PLEKHH2: variants seen among roughly 807,000 people sequenced by gnomAD.
PLEKHH2 encodes pleckstrin homology domain-containing family H member 2.
PLEKHH2 carries 129 observed loss-of-function variants against 187.9 expected under a neutral mutation model. The ratio of observed to expected loss-of-function variants is 0.69; its 90% CI spans 0.59 to 0.79. PLEKHH2 has a LOEUF of 0.79. Among genes scored for constraint, PLEKHH2 ranks in the 30% least tolerant of loss-of-function variants. The pLI is 0.00. For missense variants in PLEKHH2, 2,076 were observed against 1,751.2 expected, an observed-to-expected ratio of 1.19 and a Z score of -3.31; for synonymous variants, 686 against 605.6, an observed-to-expected ratio of 1.13 and a Z score of -1.95.
At chr2:43,744,679 G>A (rs561908573) in intron 23 of PLEKHH2, among the ~76,000 whole-genome samples, 2 of 150,832 alleles carry the variant, frequency 1.3e-5, no homozygotes, top group African/African-American at 4.9e-5. Context: ...ACCAGCCTGG[G>A]CAGCATGGCA....
At position 43,692,604 on chromosome 2, in the gene PLEKHH2, T is replaced by G. The variant is rs764815101; in HGVS notation, c.277T>G (p.Ser93Ala). 6.1e-5 allele frequency: 99 copies of G among 1,611,934 alleles called. 1 individual carries two copies. In the South Asian group the frequency reaches 1.0e-3, roughly 17 times the overall value. The change falls in exon 4 of 30, where the codon TCG becomes GCG. Residue 93 changes from serine (S) to alanine (A), a missense_variant. Physicochemically the swap from Ser to Ala is moderately conservative, Grantham distance 99. Coordinates refer to ENST00000282406, the MANE Select transcript of PLEKHH2 (RefSeq NM_172069.4). ...RLYNKCQDLESLIQEKDDVIQ... is the reference protein window; with the variant it reads ...RLYNKCQDLEALIQEKDDVIQ... ...ATATAATAAGTGTCAAGATCTGGAG[T>G]CGCTAATACAGGAAAAAGATGACGT...
intron 2 of PLEKHH2, among the ~76,000 whole-genome samples, chr2:43,677,544 G>A (rs1055677913): frequency 1.1e-4 from 17 of 151,792 alleles, no homozygotes; most frequent in African/African-American, 3.9e-4. Context: ...GGATCCCAAG[G>A]CAGAAGAATT....
intron 25 of PLEKHH2, among the ~76,000 whole-genome samples, chr2:43,756,012 C>T (rs1407835811): frequency 6.6e-6 from 1 of 152,134 alleles, no homozygotes; most frequent in East Asian, 1.9e-4. Context: ...TTTTTACATG[C>T]AAGGACTTTC....
chr2:43,666,919 TTAGTAA>T (rs1161679361), intron 2 of PLEKHH2, among the ~76,000 whole-genome samples: 3 of 152,184 alleles, frequency 2.0e-5, no homozygotes, highest in African/African-American at 7.2e-5. Flanking sequence ...AAGTATTGGC[TTAGTAA>T]TAGTAATAGT....
In PLEKHH2 at chr2:43,695,175, C is replaced by T. The variant is rs1302177953; in HGVS notation, c.453C>T (p.Ile151=). ...TGGAGAATCAGAATCTTCGTTTGATCAACCAAAACCAAACTGAAGAGATAA... is the reference window on the plus strand; with the variant it reads ...TGGAGAATCAGAATCTTCGTTTGATTAACCAAAACCAAACTGAAGAGATAA... ...LELENQNLRL[I]NQNQTEEIRT... The change falls in exon 6 of 30, where the codon ATC becomes ATT. Residue 151 remains isoleucine, a synonymous_variant. Coordinates refer to ENST00000282406, the MANE Select transcript of PLEKHH2 (RefSeq NM_172069.4). 1 of 1,598,442 alleles carries T rather than the reference C, an allele frequency of 6.3e-7. No individual in the cohort carries two copies.
At chr2:43,697,467 A>T (rs1669148294) in intron 7 of PLEKHH2, 111 bp downstream of exon 7, 1 of 889,596 alleles carries the variant, frequency 1.1e-6, no homozygotes, top group African/African-American at 1.7e-5. Flanking sequence ...TGACAATTTG[A>T]TGTTTTATGA....
At chr2:43,737,535 C>T (rs751189490) in intron 19 of PLEKHH2, among the ~76,000 whole-genome samples, 6 of 152,102 alleles carry the variant, frequency 3.9e-5, no homozygotes, top group African/African-American at 1.2e-4. Context: ...AGTCTCCTGG[C>T]GGTACCATCA....
intron 2 of PLEKHH2, among the ~76,000 whole-genome samples, chr2:43,651,132 G>A (rs1162941724): frequency 4.1e-5 from 6 of 145,312 alleles, no homozygotes; most frequent in African/African-American, 1.6e-4. Context: ...ATAATTTTTT[G>A]GAGTTAAAAT....
In PLEKHH2 at chr2:43,689,587, A is replaced by G. The variant is rs553525536; in HGVS notation, c.187-2927A>G. Among the ~76,000 whole-genome samples the G allele has an allele frequency of 7.7e-4, 117 of 152,320 alleles. 1 individual carries two copies. Among genetic ancestry groups the G allele is most frequent in the African/African-American group, 2.7e-3 (113 of 41,574 alleles). ...GCTTTTCTGTAGACCTCTTATTCATATTAATTACCAAAGAAGGCTAAATCC... is the reference window on the plus strand; with the variant it reads ...GCTTTTCTGTAGACCTCTTATTCATGTTAATTACCAAAGAAGGCTAAATCC... On this transcript the variant is annotated intron_variant, in intron 3 of 29. Coordinates refer to ENST00000282406, the MANE Select transcript of PLEKHH2 (RefSeq NM_172069.4).
Position 43,692,636 on chromosome 2 carries a change from A to G in PLEKHH2, c.309A>G (p.Gln103=), listed in dbSNP as rs35914727. The G allele has an allele frequency of 4.3e-6, 7 of 1,613,396 alleles. No individual in the cohort carries two copies. Among genetic ancestry groups the G allele is most frequent in the Non-Finnish European group, 4.2e-6 (5 of 1,179,774 alleles). The part of the protein sequence containing the change: ...SLIQEKDDVI[Q]NLELQLEEQK... Reference sequence around the variant, plus strand: ...TACAGGAAAAAGATGACGTCATTCAAAACTTGGAATTGCAACTTGAAGAGC... The same window carrying G: ...TACAGGAAAAAGATGACGTCATTCAGAACTTGGAATTGCAACTTGAAGAGC... Residue 103 remains glutamine (Q), a synonymous_variant, in exon 4 of 30, where the codon CAA becomes CAG. Coordinates refer to ENST00000282406, the MANE Select transcript of PLEKHH2 (RefSeq NM_172069.4).
rs190909707 is a variant in PLEKHH2, at chr2:43,723,633, A to G, written c.2542-2639A>G. Among the ~76,000 whole-genome samples the G allele has an allele frequency of 3.9e-5, 6 of 152,322 alleles. No individual in the cohort carries two copies. The East Asian group carries it at 1.2e-3, about 29-fold the overall frequency. ...GGCAGGTTCCCTCCTGCCTTTGGGA[A>G]GAAAACGCAGAGGGTCAGAACACCC... On this transcript the variant is annotated intron_variant, in intron 16 of 29. Coordinates refer to ENST00000282406, the MANE Select transcript of PLEKHH2 (RefSeq NM_172069.4).
chr2:43,662,436 C>T (rs1667067916), intron 2 of PLEKHH2, among the ~76,000 whole-genome samples: 1 of 5,860 alleles, frequency 1.7e-4, no homozygotes, highest in East Asian at 1.9e-3. Flanking sequence ...ATTTGACTTC[C>T]TCTTTTCCTA....
chr2:43,727,987 T>G (rs1670847233), intron 17 of PLEKHH2, among the ~76,000 whole-genome samples: 1 of 152,192 alleles, frequency 6.6e-6, no homozygotes, highest in African/African-American at 2.4e-5. Flanking sequence ...ATAAAGCTTT[T>G]ATTGTCTCTG....
At chr2:43,738,667 T>C (rs1671416343) in intron 20 of PLEKHH2, 147 bp downstream of exon 20, 1 of 753,870 alleles carries the variant, frequency 1.3e-6, no homozygotes, top group East Asian at 2.7e-5. Flanking sequence ...GTCTACCTTT[T>C]TGGTTTATTT....
At chr2:43,690,465 G>A (rs528312644) in intron 3 of PLEKHH2, among the ~76,000 whole-genome samples, 1 of 152,060 alleles carries the variant, frequency 6.6e-6, no homozygotes, top group East Asian at 1.9e-4. Context: ...ATGAAACCTG[G>A]CATTCATGGT....
chr2:43,674,762 A>T (rs561633915), intron 2 of PLEKHH2, among the ~76,000 whole-genome samples: 1 of 152,220 alleles, frequency 6.6e-6, no homozygotes, highest in East Asian at 1.9e-4. Flanking sequence ...AGGCATGTGG[A>T]TCACCTGAAG....
At chr2:43,653,737 A>G (rs1666602585) in intron 2 of PLEKHH2, among the ~76,000 whole-genome samples, 1 of 152,202 alleles carries the variant, frequency 6.6e-6, no homozygotes, top group Admixed American at 6.5e-5. Context: ...GTGAACAAAC[A>G]TTTTGAGAGA....
chr2:43,691,959 A>T (rs575461119), intron 3 of PLEKHH2, among the ~76,000 whole-genome samples: 1 of 152,348 alleles, frequency 6.6e-6, no homozygotes, highest in South Asian at 2.1e-4. Context: ...AGAAGCCCTC[A>T]TTGAGTGTAC....
chr2:43,701,244 T>C (rs1669346040), intron 8 of PLEKHH2, among the ~76,000 whole-genome samples: 1 of 152,196 alleles, frequency 6.6e-6, no homozygotes, highest in Non-Finnish European at 1.5e-5. Context: ...TAAAACTTAC[T>C]ACCTCAAAAA....
Sources: gnomAD v4.1 joint callset for allele counts (sites outside exome capture counted in the v4.1 genomes callset) on GRCh38, gnomAD v4.1.1 for gene constraint, MANE v1.5 for transcripts, NCBI Gene and HGNC (gene_info 2026-07-23, HGNC 2026-07-21) for gene names.